The following ARMC9 variants were observed in gnomAD, a reference collection of about 807,000 sequenced individuals.
The protein encoded by ARMC9 is lisH domain-containing protein ARMC9.
A neutral mutation model predicts 107.0 loss-of-function variants in ARMC9; 94 were observed. The observed-to-expected ratio is 0.88, with a 90% CI of 0.74 to 1.04. The LOEUF (loss-of-function observed/expected upper bound fraction) is 1.04. Among genes scored for constraint, ARMC9 ranks in the 50% least tolerant of loss-of-function variants. The pLI, the probability that ARMC9 is intolerant of heterozygous loss-of-function variation, is 0.00. For synonymous variants in ARMC9, 380 were observed against 396.9 expected (o/e 0.96, Z 0.51); for missense variants, 942 against 1,030.1 (o/e 0.91, Z 1.17).
chr2:231,237,712 A>G (rs928943992), intron 8 of ARMC9, among the ~76,000 whole-genome samples: 2 of 125,930 alleles, frequency 1.6e-5, no homozygotes, highest in Non-Finnish European at 3.2e-5. Context: ...TTAATTATGT[A>G]TGAGGCTGAG....
rs150001780 is a variant in ARMC9 at position 231,246,816 on chromosome 2, C to T, written c.879+6775C>T. Among the ~76,000 whole-genome samples, 856 of 152,186 alleles carry T rather than the reference C, an allele frequency of 5.6e-3. 7 individuals are homozygous for T. The highest frequency in any genetic ancestry group is 0.019 in the African/African-American group (804 of 41,502). On this transcript the variant is annotated intron_variant, in intron 9 of 24. Coordinates refer to ENST00000611582, the MANE Select transcript of ARMC9 (RefSeq NM_001352754.2). Reference sequence around the variant, plus strand: ...TACATTCCCACGAACACATACAGAGCTTTTTTTGTTTTTGTTTTTGAGACA... The same window carrying T: ...TACATTCCCACGAACACATACAGAGTTTTTTTTGTTTTTGTTTTTGAGACA...
intron 10 of ARMC9, among the ~76,000 whole-genome samples, chr2:231,257,004 G>A (rs1009773572): frequency 1.3e-5 from 2 of 152,108 alleles, no homozygotes; most frequent in Non-Finnish European, 2.9e-5. Context: ...TAATAAAGAC[G>A]GGTTTTCTCC....
At chr2:231,271,766 A>C (rs2039345314) in intron 13 of ARMC9, among the ~76,000 whole-genome samples, 1 of 152,204 alleles carries the variant, frequency 6.6e-6, no homozygotes. Context: ...GTTGAAACTT[A>C]TGTCTGAAAT....
intron 21 of ARMC9, among the ~76,000 whole-genome samples, chr2:231,346,170 C>T (rs941652225): frequency 6.6e-6 from 1 of 152,176 alleles, no homozygotes; most frequent in Admixed American, 6.5e-5. Flanking sequence ...AGTACATGCC[C>T]TTTTCTCTCT....
intron 2 of ARMC9, among the ~76,000 whole-genome samples, chr2:231,206,603 C>A (rs796509204): frequency 3.9e-4 from 60 of 152,274 alleles, no homozygotes; most frequent in African/African-American, 1.3e-3. Flanking sequence ...AAAATATATT[C>A]ACATGCCTGT....
chr2:231,337,270 G>GTGTA (rs1417267339), intron 20 of ARMC9, among the ~76,000 whole-genome samples: 1 of 76,410 alleles, frequency 1.3e-5, no homozygotes, highest in African/African-American at 5.8e-5. Context: ...ACGTGTGTGT[G>GTGTA]TATATATATA....
intron 7 of ARMC9, among the ~76,000 whole-genome samples, chr2:231,231,942 G>A (rs1263186762): frequency 1.3e-5 from 2 of 151,954 alleles, no homozygotes; most frequent in East Asian, 3.9e-4. Flanking sequence ...GCCTGCCTTG[G>A]CCTCCCAAAA....
chr2:231,230,141 A>G (rs1277815603), intron 7 of ARMC9, among the ~76,000 whole-genome samples: 2 of 152,094 alleles, frequency 1.3e-5, no homozygotes, highest in African/African-American at 2.4e-5. Flanking sequence ...GTGGGAGGAT[A>G]GCTTGAGGCC....
At chr2:231,326,383 C>T (rs534666659) in intron 19 of ARMC9, among the ~76,000 whole-genome samples, 1 of 152,312 alleles carries the variant, frequency 6.6e-6, no homozygotes, top group African/African-American at 2.4e-5. Flanking sequence ...CAAATAAATG[C>T]CCCCAAATGC....
chr2:231,371,116 G>T (rs922585673), intron 24 of ARMC9: 2 of 482,306 alleles, frequency 4.1e-6, no homozygotes, highest in African/African-American at 2.0e-5. Flanking sequence ...AAATCCAGGG[G>T]AGGCTCGGCC....
At position 231,222,827 on chromosome 2, in the gene ARMC9, T is replaced by C; in HGVS notation, c.597+7T>C. ...AAAGCTTTTAACAATATATGTATCC[T>C]TTTGAAGCAAATAGAGACCACCTAT... On this transcript the variant is annotated splice_region_variant and intron_variant, in intron 6 of 24. Coordinates refer to ENST00000611582, the MANE Select transcript of ARMC9 (RefSeq NM_001352754.2). The C allele has an allele frequency of 6.5e-7, 1 of 1,540,452 alleles. No homozygotes were observed. The highest frequency in any genetic ancestry group is 8.9e-7 in the Non-Finnish European group (1 of 1,123,848).
intron 12 of ARMC9, among the ~76,000 whole-genome samples, chr2:231,264,486 A>G (rs990143707): frequency 1.5e-5 from 2 of 130,302 alleles, no homozygotes; most frequent in African/African-American, 5.9e-5. Context: ...GCTGTGGTTT[A>G]TTTATTTATT....
chr2:231,226,882 G>T, intron 7 of ARMC9, 84 bp downstream of exon 7: 1 of 1,474,990 alleles, frequency 6.8e-7, no homozygotes, highest in South Asian at 1.2e-5. Context: ...AAGATGGAGA[G>T]AATTCATGAT....
intron 23 of ARMC9, among the ~76,000 whole-genome samples, chr2:231,367,852 G>A (rs927668194): frequency 5.9e-5 from 9 of 151,674 alleles, no homozygotes; most frequent in East Asian, 1.9e-4. Flanking sequence ...GCGTGGTGGC[G>A]GGCGCCTGTA....
chr2:231,270,941 G>C (rs533648067), intron 12 of ARMC9, 41 bp from the exon 13 acceptor site: 2 of 1,572,094 alleles, frequency 1.3e-6, no homozygotes. Flanking sequence ...TTATCTCTCC[G>C]TGTTCTTAAC....
At chr2:231,223,744 T>G (rs999237340) in intron 6 of ARMC9, among the ~76,000 whole-genome samples, 8 of 152,214 alleles carry the variant, frequency 5.3e-5, no homozygotes, top group Non-Finnish European at 1.2e-4. Context: ...CCCTGTTGCC[T>G]GTATTCAAAT....
At chr2:231,357,239 TG>T (rs2045379691) in intron 22 of ARMC9, among the ~76,000 whole-genome samples, 1 of 152,228 alleles carries the variant, frequency 6.6e-6, no homozygotes, top group Non-Finnish European at 1.5e-5. Flanking sequence ...TCAGCCTTGG[TG>T]GTCACGGGCG....
intron 11 of ARMC9, among the ~76,000 whole-genome samples, chr2:231,261,004 A>G (rs746358566): frequency 6.6e-5 from 10 of 152,166 alleles, no homozygotes; most frequent in Admixed American, 1.3e-4. Context: ...GGCCATGGTC[A>G]TCACATCTGT....
chr2:231,201,361 T>C (rs1387429435), intron 1 of ARMC9, among the ~76,000 whole-genome samples: 1 of 151,914 alleles, frequency 6.6e-6, no homozygotes, highest in Non-Finnish European at 1.5e-5. Context: ...CCAGTTCCCT[T>C]GGAGCCTCCA....
Sources: allele counts gnomAD v4.1 joint callset (sites outside exome capture counted in the v4.1 genomes callset), GRCh38; gene constraint gnomAD v4.1.1; transcripts MANE v1.5; gene names NCBI Gene and HGNC (gene_info 2026-07-23, HGNC 2026-07-21).